The following SPMIP2 variants were observed in gnomAD, a reference collection of about 807,000 sequenced individuals.
SPMIP2 encodes the protein protein SPMIP2.
chr4:159,024,292 A>G, the SPMIP2 span, among the ~76,000 whole-genome samples: 2 of 152,148 alleles, frequency 1.3e-5, no homozygotes, highest in South Asian at 2.1e-4. Context: ...CCTGAGGTAT[A>G]TTTTTCTAAA....
the SPMIP2 span, among the ~76,000 whole-genome samples, chr4:159,076,192 A>G: frequency 6.6e-6 from 1 of 152,166 alleles, no homozygotes; most frequent in Non-Finnish European, 1.5e-5. Context: ...CACTTCCAAT[A>G]AGCATTAAAA....
the SPMIP2 span, chr4:158,905,008 C>T: frequency 6.5e-6 from 1 of 154,286 alleles, no homozygotes; most frequent in Non-Finnish European, 1.4e-5. Flanking sequence ...AATCAGAATA[C>T]AGACTTTGGA....
the SPMIP2 span, among the ~76,000 whole-genome samples, chr4:158,902,858 G>A: frequency 3.9e-5 from 6 of 152,270 alleles, no homozygotes; most frequent in Non-Finnish European, 8.8e-5. Flanking sequence ...AACGTCCCAG[G>A]TCGACCTCAG....
the SPMIP2 span, among the ~76,000 whole-genome samples, chr4:158,953,383 G>A: frequency 6.6e-6 from 1 of 152,360 alleles, no homozygotes; most frequent in South Asian, 2.1e-4. Flanking sequence ...TGTTGAGCCT[G>A]CGAGTACACA....
the SPMIP2 span, among the ~76,000 whole-genome samples, chr4:159,045,063 C>G: frequency 0.3 from 45,943 of 151,260 alleles, 7,712 homozygotes; most frequent in East Asian, 0.64. Flanking sequence ...TGCACTCTAG[C>G]CTGGGCAACA....
the SPMIP2 span, among the ~76,000 whole-genome samples, chr4:158,980,612 C>A: frequency 6.6e-6 from 1 of 152,190 alleles, no homozygotes; most frequent in African/African-American, 2.4e-5. Flanking sequence ...AGCAGAGAGG[C>A]CTGACTGTTA....
the SPMIP2 span, among the ~76,000 whole-genome samples, chr4:159,024,497 T>C: frequency 6.6e-6 from 1 of 152,096 alleles, no homozygotes; most frequent in South Asian, 2.1e-4. Flanking sequence ...GGCGTTCAAC[T>C]TGTGCTACCT....
At chr4:158,927,614 C>A in the SPMIP2 span, among the ~76,000 whole-genome samples, 2 of 152,220 alleles carry the variant, frequency 1.3e-5, no homozygotes, top group African/African-American at 2.4e-5. Context: ...CTTGAGGAGC[C>A]CTTCAGCCCA....
chr4:159,024,035 ATG>A, the SPMIP2 span, among the ~76,000 whole-genome samples: 2 of 152,126 alleles, frequency 1.3e-5, no homozygotes, highest in African/African-American at 2.4e-5. Context: ...ATGCCTTGTG[ATG>A]TTTGTCTGGT....
At chr4:158,917,360 G>A in the SPMIP2 span, among the ~76,000 whole-genome samples, 1 of 152,214 alleles carries the variant, frequency 6.6e-6, no homozygotes, top group South Asian at 2.1e-4. Flanking sequence ...CTGGGAGGCG[G>A]AGGTTGCAGT....
At chr4:159,036,936 C>G in the SPMIP2 span, among the ~76,000 whole-genome samples, 5 of 152,184 alleles carry the variant, frequency 3.3e-5, no homozygotes, top group African/African-American at 1.2e-4. Context: ...GTCTTTGAAA[C>G]TACCATTTTC....
the SPMIP2 span, among the ~76,000 whole-genome samples, chr4:158,987,742 C>T: frequency 1.3e-5 from 2 of 151,928 alleles, no homozygotes; most frequent in African/African-American, 4.8e-5. Context: ...AACTAACCTG[C>T]ACATTGTGCA....
the SPMIP2 span, among the ~76,000 whole-genome samples, chr4:158,937,124 T>C: frequency 0.06 from 9,189 of 152,262 alleles, 332 homozygotes; most frequent in African/African-American, 0.1. Flanking sequence ...CTTCCTTTTC[T>C]CCCTGCCGCC....
chr4:158,992,949 G>A, the SPMIP2 span, among the ~76,000 whole-genome samples: 1 of 152,206 alleles, frequency 6.6e-6, no homozygotes, highest in African/African-American at 2.4e-5. Flanking sequence ...TTAAACCATA[G>A]CACAAGCTGA....
chr4:159,000,258 C>T, the SPMIP2 span, among the ~76,000 whole-genome samples: 1 of 152,206 alleles, frequency 6.6e-6, no homozygotes, highest in East Asian at 1.9e-4. Flanking sequence ...AAAATTTATT[C>T]ATCTGAAATT....
the SPMIP2 span, among the ~76,000 whole-genome samples, chr4:159,046,285 C>T: frequency 6.6e-6 from 1 of 151,352 alleles, no homozygotes; most frequent in African/African-American, 2.4e-5. Context: ...TGAGAGAGGG[C>T]ACCTGAGACA....
the SPMIP2 span, among the ~76,000 whole-genome samples, chr4:159,063,387 C>T: frequency 6.6e-6 from 1 of 151,744 alleles, no homozygotes; most frequent in Non-Finnish European, 1.5e-5. Context: ...GGTGAAACGC[C>T]TTCTCTATAA....
chr4:158,992,811 TA>T, the SPMIP2 span, among the ~76,000 whole-genome samples: 4 of 152,318 alleles, frequency 2.6e-5, no homozygotes, highest in Middle Eastern at 3.4e-3. Context: ...GCCTTCTTTA[TA>T]AAGGCTTTAA....
chr4:158,929,003 GCGAGCGTC>G, the SPMIP2 span, among the ~76,000 whole-genome samples: 1 of 152,168 alleles, frequency 6.6e-6, no homozygotes. Flanking sequence ...AACACTCACT[GCGAGCGTC>G]CGAGCGTCCG....
Sources: gnomAD v4.1 joint callset for allele counts (sites outside exome capture counted in the v4.1 genomes callset) on GRCh38, gnomAD v4.1.1 for gene constraint, MANE v1.5 for transcripts, NCBI Gene and HGNC (gene_info 2026-07-23, HGNC 2026-07-21) for gene names.